Variants in PDE4D observed in about 807,000 individuals in gnomAD.
PDE4D encodes 3',5'-cyclic-AMP phosphodiesterase 4D.
A neutral mutation model predicts 87.4 loss-of-function variants in PDE4D; 24 were observed. The ratio of observed to expected loss-of-function variants is 0.27; its 90% CI spans 0.20 to 0.39. The LOEUF (loss-of-function observed/expected upper bound fraction) is 0.39, where lower values mean the gene tolerates loss of function less well. PDE4D is among the 10% of genes least tolerant of loss of function. The pLI is 1.00. For missense variants in PDE4D, 714 were observed against 1,041.0 expected (o/e 0.69, Z 4.32); for synonymous variants, 384 against 383.2 (o/e 1.00, Z -0.02).
intron 6 of PDE4D, chr5:58,999,677 G>C (rs1750072095): frequency 3.6e-6 from 4 of 1,108,714 alleles, no homozygotes; most frequent in Non-Finnish European, 4.4e-6. Context: ...TGGTAATTAA[G>C]TATACATAAG....
intron 3 of PDE4D, among the ~76,000 whole-genome samples, chr5:59,930,782 A>C (rs968546662): frequency 2.0e-5 from 3 of 152,170 alleles, no homozygotes; most frequent in African/African-American, 7.2e-5. Context: ...GGAATTTTTT[A>C]TTTAGAGTCA....
At chr5:59,568,068 G>A (rs1439521623) in intron 1 of PDE4D, among the ~76,000 whole-genome samples, 2 of 152,170 alleles carry the variant, frequency 1.3e-5, no homozygotes, top group Admixed American at 6.5e-5. Flanking sequence ...GTGCTCCTTG[G>A]AGAAATGGCT....
intron 5 of PDE4D, among the ~76,000 whole-genome samples, chr5:59,087,140 T>C (rs899574672): frequency 2.0e-5 from 3 of 152,108 alleles, no homozygotes; most frequent in African/African-American, 7.2e-5. Context: ...AAAGCCAAAA[T>C]GCAGGCACAT....
At position 59,438,996 on chromosome 5, in the gene PDE4D, A is replaced by G. The variant is rs73758695; in HGVS notation, c.456-223028T>C. 7.2e-3 allele frequency among the ~76,000 whole-genome samples: 1,096 copies of G among 152,314 alleles called. 15 individuals are homozygous for G. Among genetic ancestry groups the G allele is most frequent in the African/African-American group, 0.024 (1,001 of 41,574 alleles). ...AGTGAAATATCATTGTCATTGTCAA[A>G]TATCTCTAGATCCCTGAGTTTATTC... On this transcript the variant is annotated intron_variant, in intron 1 of 14. Coordinates refer to ENST00000340635, the MANE Select transcript of PDE4D (RefSeq NM_001104631.2).
At chr5:60,026,099 A>G (rs765156746) in intron 2 of PDE4D, among the ~76,000 whole-genome samples, 6 of 152,238 alleles carry the variant, frequency 3.9e-5, no homozygotes, top group Non-Finnish European at 8.8e-5. Context: ...GAATAGAGAT[A>G]TATCAGAATG....
At chr5:59,244,486 T>C (rs1758355520) in intron 1 of PDE4D, among the ~76,000 whole-genome samples, 1 of 150,414 alleles carries the variant, frequency 6.6e-6, no homozygotes, top group African/African-American at 2.4e-5. Context: ...ATTTTAATGG[T>C]CATATATATC....
intron 1 of PDE4D, among the ~76,000 whole-genome samples, chr5:60,409,184 C>T (rs1017600462): frequency 5.9e-5 from 9 of 152,018 alleles, no homozygotes; most frequent in Admixed American, 5.9e-4. Flanking sequence ...GTTAGGGTGG[C>T]CAGAAAAGAT....
intron 1 of PDE4D, among the ~76,000 whole-genome samples, chr5:59,854,090 C>T (rs1323194137): frequency 2.0e-5 from 3 of 151,858 alleles, no homozygotes; most frequent in Non-Finnish European, 2.9e-5. Flanking sequence ...ATAGATATAG[C>T]CAAAGAATTT....
intron 1 of PDE4D, among the ~76,000 whole-genome samples, chr5:59,791,311 A>T (rs1375819674): frequency 6.6e-6 from 1 of 152,236 alleles, no homozygotes; most frequent in Admixed American, 6.5e-5. Flanking sequence ...ATCTTAGCCA[A>T]AGGCTAAAAA....
chr5:58,994,482 ACTG>A (rs1378448824), intron 6 of PDE4D, among the ~76,000 whole-genome samples: 1 of 152,062 alleles, frequency 6.6e-6, no homozygotes, highest in Non-Finnish European at 1.5e-5. Context: ...ACATAGAGTA[ACTG>A]CTATTAGATA....
At chr5:60,505,415 C>G (rs1358512720) in intron 1 of PDE4D, among the ~76,000 whole-genome samples, 1 of 152,112 alleles carries the variant, frequency 6.6e-6, no homozygotes, top group Non-Finnish European at 1.5e-5. Context: ...TTTTCTCTAC[C>G]CAGCTCTGTC....
At chr5:60,442,327 A>C (rs1200876625) in intron 1 of PDE4D, among the ~76,000 whole-genome samples, 1 of 152,058 alleles carries the variant, frequency 6.6e-6, no homozygotes, top group Non-Finnish European at 1.5e-5. Context: ...ATTCTCAACA[A>C]ACTAACATAA....
chr5:59,473,481 G>C (rs1450182734), intron 1 of PDE4D, among the ~76,000 whole-genome samples: 1 of 151,934 alleles, frequency 6.6e-6, no homozygotes, highest in Non-Finnish European at 1.5e-5. Context: ...ATCCACCAAA[G>C]GTACTTTTCC....
At position 59,850,157 on chromosome 5, in the gene PDE4D, C is replaced by T. The variant is rs539584014; in HGVS notation, c.455+43011G>A. On this transcript the variant is annotated intron_variant, in intron 1 of 14. Coordinates refer to ENST00000340635, the MANE Select transcript of PDE4D (RefSeq NM_001104631.2). Reference sequence around the variant, plus strand: ...AACTTCCTCCCTCTACTCTTTAACACGTACATACTGACACATGCACACACA... The same window carrying T: ...AACTTCCTCCCTCTACTCTTTAACATGTACATACTGACACATGCACACACA... Among the ~76,000 whole-genome samples the T allele has an allele frequency of 1.2e-4, 19 of 152,052 alleles. 1 individual carries two copies. The East Asian group carries it at 1.4e-3, about 11-fold the overall frequency.
At chr5:60,262,157 C>T (rs780553088) in intron 1 of PDE4D, among the ~76,000 whole-genome samples, 4 of 152,088 alleles carry the variant, frequency 2.6e-5, no homozygotes, top group Non-Finnish European at 4.4e-5. Context: ...GACTGAATTA[C>T]GGCCCTGAAA....
At chr5:60,019,885 G>A (rs920290225) in intron 2 of PDE4D, among the ~76,000 whole-genome samples, 20 of 152,136 alleles carry the variant, frequency 1.3e-4, no homozygotes, top group Admixed American at 4.6e-4. Context: ...AGAACTTCAA[G>A]AACTTTTATT....
At chr5:59,415,622 T>C (rs1793466481) in intron 1 of PDE4D, among the ~76,000 whole-genome samples, 1 of 145,370 alleles carries the variant, frequency 6.9e-6, no homozygotes, top group African/African-American at 2.7e-5. Flanking sequence ...TCTTATGAGA[T>C]CTAAATGTCC....
intron 2 of PDE4D, among the ~76,000 whole-genome samples, chr5:60,073,868 G>A (rs1773001467): frequency 6.6e-6 from 1 of 151,852 alleles, no homozygotes; most frequent in African/African-American, 2.4e-5. Context: ...TGGGGTCAGT[G>A]GTAATTACTA....
At chr5:60,337,368 T>A (rs1319833918) in intron 1 of PDE4D, among the ~76,000 whole-genome samples, 2 of 114,768 alleles carry the variant, frequency 1.7e-5, no homozygotes, top group Admixed American at 9.2e-5. Flanking sequence ...TATATATATA[T>A]ATATATATAT....
Sources: allele counts gnomAD v4.1 joint callset (sites outside exome capture counted in the v4.1 genomes callset), GRCh38; gene constraint gnomAD v4.1.1; transcripts MANE v1.5; gene names NCBI Gene and HGNC (gene_info 2026-07-23, HGNC 2026-07-21).